PTGDS: variants seen among roughly 807,000 people sequenced by gnomAD.
PTGDS encodes prostaglandin D2 synthase, also known as prostaglandin-H2 D-isomerase.
Under a neutral mutation model 28.4 loss-of-function variants are expected in PTGDS, and 21 were observed. The observed-to-expected ratio is 0.74, with a 90% CI of 0.52 to 1.07. The LOEUF is 1.07. PTGDS is among the 50% of genes least tolerant of loss of function. The probability of loss-of-function intolerance (pLI) is 0.00; values close to 1 mark genes in which losing one functional copy is unlikely to be tolerated. For missense variants in PTGDS, 243 were observed against 247.7 expected (o/e 0.98, Z 0.13); for synonymous variants, 102 against 106.0 (o/e 0.96, Z 0.23).
chr9:136,978,392 C>T (rs1830400603), intron 1 of PTGDS, among the ~76,000 whole-genome samples: 2 of 148,698 alleles, frequency 1.3e-5, no homozygotes, highest in East Asian at 2.0e-4. Context: ...AGGGGCGTGG[C>T]CAGACGGGGG....
At chr9:136,980,638 G>A in intron 5 of PTGDS, 195 bp from the exon 6 acceptor site, 1 of 1,541,064 alleles carries the variant, frequency 6.5e-7, no homozygotes, top group South Asian at 1.2e-5. Flanking sequence ...TGGACAGCCT[G>A]CTCTTGGCAG....
intron 3 of PTGDS, 171 bp from the exon 4 acceptor site, chr9:136,979,775 G>C: frequency 1.4e-6 from 1 of 713,086 alleles, no homozygotes; most frequent in East Asian, 2.5e-5. Flanking sequence ...AGGGTTCACA[G>C]GCTGTGCAGG....
intron 1 of PTGDS, among the ~76,000 whole-genome samples, chr9:136,978,094 C>G (rs1422789536): frequency 6.6e-6 from 1 of 152,146 alleles, no homozygotes; most frequent in Non-Finnish European, 1.5e-5. Flanking sequence ...TTGGGAGGGA[C>G]GCGCACCGCA....
In PTGDS at chr9:136,979,014, G is replaced by A. The variant is rs1171421465; in HGVS notation, c.136G>A (p.Ala46Thr). 4 of 1,608,736 alleles carry A rather than the reference G, an allele frequency of 2.5e-6. No homozygotes were observed. The highest frequency in any genetic ancestry group is 1.1e-5 in the South Asian group (1 of 90,742). Residue 46 changes from alanine to threonine, a missense_variant, in exon 2 of 7, where the codon GCG becomes ACG. Transcript: ENST00000371625. The stretch of plus-strand genomic sequence containing the variant: ...GCAGTTCCTGGGGCGCTGGTTCAGC[G>A]CGGGCCTCGCCTCCAACTCGAGCTG... ...QDKFLGRWFS[A>T]GLASNSSWLR... is the part of the protein sequence containing the mutation.
At position 136,977,755 on chromosome 9, in the gene PTGDS, C is replaced by T. The variant is rs1040246657; in HGVS notation, c.114+63C>T. On this transcript the variant is annotated intron_variant, in intron 1 of 6. Coordinates refer to ENST00000371625, the MANE Select transcript of PTGDS (RefSeq NM_000954.6). Reference sequence around the variant, plus strand: ...GACCCTGTCAGGGGAAGGGCACTTTCCGGCTGGGTCTTCCCCCTGGGAGGA... The same window carrying T: ...GACCCTGTCAGGGGAAGGGCACTTTTCGGCTGGGTCTTCCCCCTGGGAGGA... 4.8e-5 allele frequency: 66 copies of T among 1,386,702 alleles called. 1 individual carries two copies. The highest frequency in any genetic ancestry group is 1.8e-4 in the Middle Eastern group (1 of 5,614). The allele number at this position is 1,386,702 out of a possible 1,614,324, so 85.9% of individuals were successfully genotyped here.
In PTGDS at chr9:136,980,851, A is replaced by G; in HGVS notation, c.569A>G (p.Gln190Arg). The change falls in exon 6 of 7, where the codon CAA (glutamine) becomes CGA (arginine). Residue 190 changes from glutamine (Q) to arginine (R), a missense_variant. Transcript: ENST00000371625. ...TTGGCAGATAAGTGCATGACGGAAC[A>G]ATAGGTGAGCCACTCCATTCATTCA... is the stretch of plus-strand genomic sequence containing the variant. ...LPQTDKCMTEQ is the reference protein window; with the variant it reads ...LPQTDKCMTER 2.5e-6 allele frequency: 4 copies of G among 1,609,140 alleles called. No individual in the cohort carries two copies. Among genetic ancestry groups the G allele is most frequent in the Non-Finnish European group, 3.4e-6 (4 of 1,177,560 alleles).
At chr9:136,978,247 C>A (rs1167963493) in intron 1 of PTGDS, among the ~76,000 whole-genome samples, 1 of 152,204 alleles carries the variant, frequency 6.6e-6, no homozygotes. Flanking sequence ...GCCCCGATCC[C>A]CGCCAGGAAT....
chr9:136,979,517 C>T, intron 3 of PTGDS: 1 of 1,412,588 alleles, frequency 7.1e-7, no homozygotes. Flanking sequence ...CTCTCTGGAG[C>T]CCACCATTGT....
At chr9:136,979,421 C>A in intron 3 of PTGDS, 122 bp downstream of exon 3, 1 of 1,560,816 alleles carries the variant, frequency 6.4e-7, no homozygotes, top group Non-Finnish European at 8.7e-7. Context: ...GCCCCACCAG[C>A]GTCAGAGGCA....
chr9:136,980,066 C>T lies in PTGDS; in HGVS notation c.448+4C>T, dbSNP rs147964178. On this transcript the variant is annotated splice_donor_region_variant and intron_variant, in intron 4 of 6. Coordinates refer to ENST00000371625, the MANE Select transcript of PTGDS (RefSeq NM_000954.6). ...TTCCGCATGGCCACCCTCTACAGTA[C>T]GTGCCCCGTGGACGCCGCCCACACG... The T allele has an allele frequency of 5.5e-4, 890 of 1,610,182 alleles. 5 individuals carry two copies. The African/African-American group carries it at 0.011, about 19-fold the overall frequency.
chr9:136,979,127 C>T lies in PTGDS; in HGVS notation c.249C>T (p.Phe83=), dbSNP rs1830417671. 13 of 1,612,834 alleles carry T rather than the reference C, an allele frequency of 8.1e-6. No individual in the cohort carries two copies. Among genetic ancestry groups the T allele is most frequent in the South Asian group, 3.3e-5 (3 of 91,076 alleles). The change falls in exon 2 of 7, where the codon TTC becomes TTT. Residue 83 remains phenylalanine, a synonymous_variant. Coordinates refer to ENST00000371625, the MANE Select transcript of PTGDS (RefSeq NM_000954.6). ...TDGGLNLTST[F]LRKNQCETRT... ...GTGGCCTCAACCTGACCTCCACCTTCCTCAGGTGGGACAGCGGGCAGGTGG... is the reference window on the plus strand; with the variant it reads ...GTGGCCTCAACCTGACCTCCACCTTTCTCAGGTGGGACAGCGGGCAGGTGG...
At chr9:136,978,335 G>A (rs1830399868) in intron 1 of PTGDS, among the ~76,000 whole-genome samples, 1 of 151,750 alleles carries the variant, frequency 6.6e-6, no homozygotes, top group African/African-American at 2.4e-5. Flanking sequence ...CGGAGGGGCC[G>A]AAGCTGGCTG....
intron 1 of PTGDS, 68 bp from the exon 2 acceptor site, chr9:136,978,925 C>T (rs759838849): frequency 1.9e-6 from 3 of 1,577,038 alleles, no homozygotes; most frequent in Non-Finnish European, 1.7e-6. Flanking sequence ...GGCAGAGGCG[C>T]CCCCGCAGGT....
intron 3 of PTGDS, 128 bp from the exon 4 acceptor site, chr9:136,979,818 G>C (rs556902486): frequency 2.2e-5 from 19 of 883,702 alleles, no homozygotes. Context: ...GAGCAGCCGG[G>C]TGGGGGAGCA....
rs1476959473 is a variant in PTGDS at position 136,980,021 on chromosome 9, GCAAGGGC to G, written c.409_415del (p.Lys137LeufsTer21). On this transcript the variant is annotated frameshift_variant, in exon 4 of 7. Coordinates refer to ENST00000371625, the MANE Select transcript of PTGDS (RefSeq NM_000954.6). LOFTEE classifies it high-confidence loss of function. ...TACGCGCTGCTGTACAGCCAGGGCA[GCAAGGGC>G]CCTGGCGAGGACTTCCGCATGGCCA... 6.2e-7 allele frequency: 1 copy of G among 1,612,930 alleles called. No individual in the cohort carries two copies. Among genetic ancestry groups the G allele is most frequent in the East Asian group, 2.2e-5 (1 of 44,864 alleles).
intron 1 of PTGDS, among the ~76,000 whole-genome samples, chr9:136,978,554 C>T (rs1290738348): frequency 1.1e-4 from 3 of 27,886 alleles, no homozygotes; most frequent in African/African-American, 4.5e-4. Context: ...GCCTGATGGG[C>T]GTGGTCAGCT....
At chr9:136,981,182 G>A in intron 6 of PTGDS, 1 of 363,832 alleles carries the variant, frequency 2.7e-6, no homozygotes. Flanking sequence ...CCACCTGGCA[G>A]CAAGGGTGTC....
intron 1 of PTGDS, chr9:136,978,765 C>A (rs1475828785): frequency 2.2e-6 from 1 of 455,898 alleles, no homozygotes; most frequent in Non-Finnish European, 3.9e-6. Context: ...GCGTGGTCAG[C>A]TCCTGGGGCG....
chr9:136,980,115 C>CA, intron 4 of PTGDS, 53 bp downstream of exon 4: 1 of 1,607,544 alleles, frequency 6.2e-7, no homozygotes, highest in Non-Finnish European at 8.5e-7. Context: ...AGGGGGCTCC[C>CA]CAAGACCCAG....
Sources: allele counts gnomAD v4.1 joint callset (sites outside exome capture counted in the v4.1 genomes callset), GRCh38; gene constraint gnomAD v4.1.1; transcripts MANE v1.5; gene names NCBI Gene and HGNC (gene_info 2026-07-23, HGNC 2026-07-21).